GARIN1B: variants seen among roughly 807,000 people sequenced by gnomAD.
GARIN1B encodes the protein golgi associated RAB2 interactor 1B.
chr7:128,722,581 A>G, the GARIN1B span, among the ~76,000 whole-genome samples: 2 of 152,236 alleles, frequency 1.3e-5, no homozygotes, highest in East Asian at 1.9e-4. Flanking sequence ...CAAGGTGGGC[A>G]GATCACGAGG....
At chr7:128,712,459 T>G in the GARIN1B span, among the ~76,000 whole-genome samples, 2 of 152,176 alleles carry the variant, frequency 1.3e-5, no homozygotes, top group Non-Finnish European at 2.9e-5. Context: ...CTGCACCCAT[T>G]AAACAATAAC....
chr7:128,727,044 A>C, the GARIN1B span, among the ~76,000 whole-genome samples: 1 of 152,196 alleles, frequency 6.6e-6, no homozygotes, highest in Non-Finnish European at 1.5e-5. Flanking sequence ...TCAAGTTGGC[A>C]CCAAGTCCTA....
chr7:128,710,163 C>G, the GARIN1B span, among the ~76,000 whole-genome samples: 1 of 152,162 alleles, frequency 6.6e-6, no homozygotes, highest in South Asian at 2.1e-4. Flanking sequence ...GATCTGCCCG[C>G]CTCAGCCTCC....
At chr7:128,727,497 C>T in the GARIN1B span, among the ~76,000 whole-genome samples, 5 of 152,222 alleles carry the variant, frequency 3.3e-5, no homozygotes, top group African/African-American at 1.2e-4. Context: ...GAAGAAGAGA[C>T]AGAGTCTGCA....
At chr7:128,709,086 A>G in the GARIN1B span, 1 of 148,534 alleles carries the variant, frequency 6.7e-6, no homozygotes, top group Non-Finnish European at 1.5e-5. Context: ...ACCGGCCAGG[A>G]TGCAGACATA....
At chr7:128,731,032 T>G in the GARIN1B span, 1 of 1,369,310 alleles carries the variant, frequency 7.3e-7, no homozygotes, top group Non-Finnish European at 1.0e-6. Flanking sequence ...TAAGTATCTG[T>G]GTGCCCACAA....
chr7:128,709,837 T>C, the GARIN1B span, among the ~76,000 whole-genome samples: 1 of 149,200 alleles, frequency 6.7e-6, no homozygotes, highest in Non-Finnish European at 1.5e-5. Context: ...CTGCAACCTC[T>C]GCCTCCTGGG....
the GARIN1B span, chr7:128,724,936 T>G: frequency 8.5e-7 from 1 of 1,174,186 alleles, no homozygotes; most frequent in South Asian, 1.5e-5. Context: ...CTTGAGCATA[T>G]CGAAACCTGG....
the GARIN1B span, chr7:128,715,552 G>A: frequency 2.5e-6 from 4 of 1,614,102 alleles, no homozygotes; most frequent in South Asian, 3.3e-5. Context: ...AAGAATTCAG[G>A]GGCCTCTTGC....
the GARIN1B span, chr7:128,723,448 C>G: frequency 8.6e-7 from 1 of 1,166,816 alleles, no homozygotes; most frequent in Non-Finnish European, 1.2e-6. Flanking sequence ...CACGGTGGCT[C>G]ACGCCTGTAT....
the GARIN1B span, among the ~76,000 whole-genome samples, chr7:128,720,401 T>C: frequency 6.6e-6 from 1 of 152,052 alleles, no homozygotes; most frequent in Non-Finnish European, 1.5e-5. Flanking sequence ...GGTTTCACCA[T>C]GTTGGCCAGG....
At chr7:128,729,872 C>T in the GARIN1B span, 1,607 of 1,604,770 alleles carry the variant, frequency 1.0e-3, 22 homozygotes, top group African/African-American at 0.02. Flanking sequence ...AACCAGCACA[C>T]AAGCAAATGC....
the GARIN1B span, among the ~76,000 whole-genome samples, chr7:128,716,625 C>T: frequency 5.3e-5 from 8 of 151,556 alleles, no homozygotes; most frequent in African/African-American, 2.0e-4. Flanking sequence ...GCTGGTAGTG[C>T]TACTAGAACT....
chr7:128,730,168 A>T, the GARIN1B span: 7 of 1,368,770 alleles, frequency 5.1e-6, no homozygotes, highest in Non-Finnish European at 6.0e-6. Flanking sequence ...GATTCCAGAA[A>T]GTTGTGGGGT....
At chr7:128,710,418 A>G in the GARIN1B span, among the ~76,000 whole-genome samples, 1 of 152,016 alleles carries the variant, frequency 6.6e-6, no homozygotes, top group Non-Finnish European at 1.5e-5. Context: ...ACTTTTTTGA[A>G]TTTCATTTGT....
At chr7:128,728,769 T>C in the GARIN1B span, among the ~76,000 whole-genome samples, 2 of 152,186 alleles carry the variant, frequency 1.3e-5, no homozygotes, top group African/African-American at 4.8e-5. Flanking sequence ...ACAAAACATA[T>C]CTGCAGACCA....
the GARIN1B span, among the ~76,000 whole-genome samples, chr7:128,712,904 T>C: frequency 1.3e-5 from 2 of 152,174 alleles, no homozygotes; most frequent in East Asian, 1.9e-4. Flanking sequence ...CATCTCCTTT[T>C]CCAGAAGGTA....
At chr7:128,729,935 G>A in the GARIN1B span, 12 of 1,614,176 alleles carry the variant, frequency 7.4e-6, no homozygotes, top group East Asian at 2.7e-4. Flanking sequence ...AGCATCCCTT[G>A]CACCTGTGAC....
the GARIN1B span, among the ~76,000 whole-genome samples, chr7:128,727,530 G>GA: frequency 6.6e-6 from 1 of 152,152 alleles, no homozygotes; most frequent in African/African-American, 2.4e-5. Context: ...ACACATTCTG[G>GA]AAAAAGCAGC....
Sources: allele counts gnomAD v4.1 joint callset (sites outside exome capture counted in the v4.1 genomes callset), GRCh38; gene constraint gnomAD v4.1.1; transcripts MANE v1.5; gene names NCBI Gene and HGNC (gene_info 2026-07-23, HGNC 2026-07-21).